PPP2R5E: variants seen among roughly 807,000 people sequenced by gnomAD.
The protein encoded by PPP2R5E is protein phosphatase 2 regulatory subunit B'epsilon.
In PPP2R5E, 4 loss-of-function variants were observed where a neutral mutation model predicts 65.3. The observed-to-expected ratio is 0.06, with a 90% CI of 0.03 to 0.14. PPP2R5E has a LOEUF of 0.14. Ranked by LOEUF, PPP2R5E falls within the 10% of genes least tolerant of loss-of-function variation. The pLI, the probability that PPP2R5E is intolerant of heterozygous loss-of-function variation, is 1.00. For missense variants in PPP2R5E, 274 were observed against 556.1 expected (o/e 0.49, Z 5.10); for synonymous variants, 183 against 187.4 (o/e 0.98, Z 0.19).
intron 3 of PPP2R5E, among the ~76,000 whole-genome samples, chr14:63,440,034 C>A (rs1035609335): frequency 4.6e-5 from 7 of 152,166 alleles, no homozygotes; most frequent in African/African-American, 1.7e-4. Flanking sequence ...AAGGTGGGGC[C>A]CCTCTATGAT....
chr14:63,442,589 G>C (rs988082830), intron 3 of PPP2R5E, among the ~76,000 whole-genome samples: 7 of 152,162 alleles, frequency 4.6e-5, no homozygotes, highest in Non-Finnish European at 1.0e-4. Context: ...GAGAGACACA[G>C]AGAGAGAAGG....
chr14:63,417,919 G>A (rs767011754), intron 4 of PPP2R5E, among the ~76,000 whole-genome samples: 1 of 152,076 alleles, frequency 6.6e-6, no homozygotes, highest in African/African-American at 2.4e-5. Context: ...TGGAAAATCA[G>A]GTCTCAGAGC....
intron 3 of PPP2R5E, among the ~76,000 whole-genome samples, chr14:63,448,288 C>T (rs912097110): frequency 6.6e-6 from 1 of 151,984 alleles, no homozygotes; most frequent in Non-Finnish European, 1.5e-5. Context: ...CAGAGCGGGA[C>T]TCCATCTCAA....
chr14:63,403,755 A>G (rs1885903571), intron 5 of PPP2R5E, among the ~76,000 whole-genome samples: 1 of 152,136 alleles, frequency 6.6e-6, no homozygotes, highest in Non-Finnish European at 1.5e-5. Context: ...CAGGAAAGCA[A>G]GTAAAAAAAT....
intron 3 of PPP2R5E, among the ~76,000 whole-genome samples, chr14:63,439,350 GTC>G (rs1015704148): frequency 6.7e-6 from 1 of 150,012 alleles, no homozygotes; most frequent in Non-Finnish European, 1.5e-5. Flanking sequence ...CTGGGTCCTG[GTC>G]TGTTTTTTTT....
chr14:63,379,816 T>C (rs1884209962), intron 13 of PPP2R5E, among the ~76,000 whole-genome samples: 1 of 133,870 alleles, frequency 7.5e-6, no homozygotes, highest in Admixed American at 7.2e-5. Context: ...TGTTCTTCAA[T>C]ATTCTCTCTC....
intron 7 of PPP2R5E, 142 bp from the exon 8 acceptor site, chr14:63,394,070 CTTTTTTTTTTTTT>C (rs557273298): frequency 8.3e-5 from 15 of 181,324 alleles, no homozygotes; most frequent in Middle Eastern, 2.2e-3. Context: ...TCAGAATTTC[CTTTTTTTTTTTTT>C]TTTTTTTTTT....
chr14:63,412,694 G>T (rs532488507), intron 5 of PPP2R5E, among the ~76,000 whole-genome samples: 3 of 152,194 alleles, frequency 2.0e-5, no homozygotes, highest in African/African-American at 7.2e-5. Context: ...CTTCACAGAA[G>T]AATCTGGATT....
rs115123105 is a variant in PPP2R5E, at chr14:63,470,617, A to C, written c.158-16732T>G. Among the ~76,000 whole-genome samples, 911 of 152,158 alleles carry C rather than the reference A, an allele frequency of 6.0e-3. 10 individuals are homozygous for C. Among genetic ancestry groups the C allele is most frequent in the African/African-American group, 0.021 (869 of 41,490 alleles). ...ACAAAATGGCTTCATCCAATTGCAT[A>C]ATTTTAATAGGAATTTCCAGCATAA... On this transcript the variant is annotated intron_variant, in intron 2 of 13. Coordinates refer to ENST00000337537, the MANE Select transcript of PPP2R5E (RefSeq NM_006246.5).
At chr14:63,517,277 C>A (rs552229400) in intron 2 of PPP2R5E, among the ~76,000 whole-genome samples, 6 of 152,088 alleles carry the variant, frequency 3.9e-5, no homozygotes, top group African/African-American at 1.4e-4. Flanking sequence ...TACATTAACA[C>A]ACAAATGAAA....
intron 1 of PPP2R5E, among the ~76,000 whole-genome samples, chr14:63,540,823 T>C (rs544782926): frequency 3.9e-5 from 6 of 152,192 alleles, no homozygotes; most frequent in African/African-American, 1.4e-4. Context: ...GGAAACAATA[T>C]GAGAACTCTA....
intron 2 of PPP2R5E, among the ~76,000 whole-genome samples, chr14:63,530,034 A>G (rs1893347295): frequency 6.6e-6 from 1 of 152,094 alleles, no homozygotes; most frequent in Non-Finnish European, 1.5e-5. Context: ...TTAACTATAG[A>G]GAGAGAACGT....
intron 5 of PPP2R5E, among the ~76,000 whole-genome samples, chr14:63,405,877 G>A (rs1388413110): frequency 6.6e-6 from 1 of 152,158 alleles, no homozygotes; most frequent in African/African-American, 2.4e-5. Context: ...AGTTACTTAA[G>A]TCTGAAATCA....
chr14:63,493,498 G>A (rs772171309), intron 2 of PPP2R5E, among the ~76,000 whole-genome samples: 1 of 149,614 alleles, frequency 6.7e-6, no homozygotes, highest in Non-Finnish European at 1.5e-5. Context: ...GTGTGTGCGT[G>A]TGTGTGGTGG....
chr14:63,534,753 G>A (rs1291316906), intron 2 of PPP2R5E, among the ~76,000 whole-genome samples: 1 of 152,096 alleles, frequency 6.6e-6, no homozygotes, highest in Non-Finnish European at 1.5e-5. Flanking sequence ...CCAAGTAGCT[G>A]GGACCACAGG....
At position 63,539,623 on chromosome 14, in the gene PPP2R5E, G is replaced by A. The variant is rs757092912; in HGVS notation, c.63C>T (p.Ser21=). The A allele has an allele frequency of 2.1e-5, 34 of 1,613,940 alleles. No individual in the cohort carries two copies. The highest frequency in any genetic ancestry group is 8.3e-5 in the Admixed American group (5 of 60,004). ...ACCTCTTCTGTCTGGCTTTTCTGAC[G>A]GACTTCCGAGAAAATCCGTCTACTT... is the stretch of plus-strand genomic sequence containing the variant. ...VDKVDGFSRK[S]VRKARQKRSQ... Residue 21 remains serine, a synonymous_variant, in exon 2 of 14, where the codon TCC becomes TCT. Transcript: ENST00000337537.
At chr14:63,518,863 T>C (rs1170802827) in intron 2 of PPP2R5E, among the ~76,000 whole-genome samples, 3 of 152,182 alleles carry the variant, frequency 2.0e-5, no homozygotes, top group African/African-American at 4.8e-5. Flanking sequence ...GCCATTCTTT[T>C]ATTCCTTTAC....
intron 2 of PPP2R5E, among the ~76,000 whole-genome samples, chr14:63,491,442 C>T (rs1891281119): frequency 6.6e-6 from 1 of 151,834 alleles, no homozygotes. Flanking sequence ...ACACATGAGA[C>T]TTCAAAGATG....
At chr14:63,525,848 C>A (rs1893164964) in intron 2 of PPP2R5E, among the ~76,000 whole-genome samples, 1 of 152,126 alleles carries the variant, frequency 6.6e-6, no homozygotes, top group Non-Finnish European at 1.5e-5. Flanking sequence ...AAAGAAGTTT[C>A]TCATTCAGTT....
Sources: allele counts gnomAD v4.1 joint callset (sites outside exome capture counted in the v4.1 genomes callset), GRCh38; gene constraint gnomAD v4.1.1; transcripts MANE v1.5; gene names NCBI Gene and HGNC (gene_info 2026-07-23, HGNC 2026-07-21).